Variants in MEF2C observed in about 807,000 individuals in gnomAD.
MEF2C encodes myocyte-specific enhancer factor 2C.
Under a neutral mutation model 50.5 loss-of-function variants are expected in MEF2C, and 6 were observed. That is an observed-to-expected ratio of 0.12 (90% confidence interval 0.07 to 0.23). The LOEUF (loss-of-function observed/expected upper bound fraction) is 0.23, where lower values mean the gene tolerates loss of function less well. Among genes scored for constraint, MEF2C ranks in the 10% least tolerant of loss-of-function variants. The pLI is 1.00. For missense variants in MEF2C, 276 were observed against 605.0 expected (o/e 0.46, Z 5.70); for synonymous variants, 183 against 228.0 (o/e 0.80, Z 1.78).
intron 2 of MEF2C, among the ~76,000 whole-genome samples, chr5:88,807,531 G>A (rs749410142): frequency 1.3e-5 from 2 of 152,062 alleles, no homozygotes; most frequent in Non-Finnish European, 2.9e-5. Context: ...ACCGTGCCTC[G>A]CCTCACTTTA....
chr5:88,746,809 G>C lies in MEF2C; in HGVS notation c.637+2261C>G, dbSNP rs1769924843. On this transcript the variant is annotated intron_variant, in intron 6 of 10. Transcript: ENST00000504921. ...CTAAGCTTGAGACTAAGTGGCATCT[G>C]CAACAGGTGTTCCTTGGGACCAGAG... 7.2e-6 allele frequency: 3 copies of C among 416,200 alleles called. No individual in the cohort carries two copies. In the South Asian group the frequency reaches 3.0e-4, roughly 42 times the overall value. The allele number at this position is 416,200 out of a possible 1,614,324, so 25.8% of individuals were successfully genotyped here. A position where few individuals can be genotyped will look rare whatever the true frequency, so the allele number is the denominator to read the frequency against.
At chr5:88,737,398 A>C in intron 6 of MEF2C, 1 of 985,412 alleles carries the variant, frequency 1.0e-6, no homozygotes, top group Non-Finnish European at 1.2e-6. Context: ...ATTTCACAGC[A>C]CATTACCTTA....
chr5:88,743,317 GA>G (rs1413290990), intron 6 of MEF2C: 2 of 985,106 alleles, frequency 2.0e-6, no homozygotes, highest in Non-Finnish European at 2.4e-6. Flanking sequence ...CCACTTCACT[GA>G]TATTTTAAGT....
At chr5:88,784,720 C>A (rs1789984324) in intron 3 of MEF2C, among the ~76,000 whole-genome samples, 1 of 152,134 alleles carries the variant, frequency 6.6e-6, no homozygotes, top group Non-Finnish European at 1.5e-5. Flanking sequence ...AATGACTCAA[C>A]AATGAAAATT....
chr5:88,748,252 A>T, intron 6 of MEF2C: 2 of 952,042 alleles, frequency 2.1e-6, no homozygotes, highest in Non-Finnish European at 2.5e-6. Context: ...TATTTCAATA[A>T]ACTTGATTTT....
At chr5:88,851,553 C>T (rs1332129377) in intron 1 of MEF2C, among the ~76,000 whole-genome samples, 1 of 152,116 alleles carries the variant, frequency 6.6e-6, no homozygotes, top group East Asian at 1.9e-4. Flanking sequence ...TGCAGACTTA[C>T]TAAACCCACT....
intron 2 of MEF2C, among the ~76,000 whole-genome samples, chr5:88,817,082 C>A (rs1805799729): frequency 6.6e-6 from 1 of 151,892 alleles, no homozygotes; most frequent in African/African-American, 2.4e-5. Flanking sequence ...ATCTATTCTC[C>A]AACTTATGGT....
At chr5:88,724,650 A>T (rs1757857389) in intron 10 of MEF2C, among the ~76,000 whole-genome samples, 1 of 152,140 alleles carries the variant, frequency 6.6e-6, no homozygotes, top group Admixed American at 6.5e-5. Context: ...CTATCAGTTT[A>T]CTAATTTTCC....
chr5:88,773,359 C>T (rs1024829451), intron 3 of MEF2C, among the ~76,000 whole-genome samples: 2 of 152,186 alleles, frequency 1.3e-5, no homozygotes, highest in Non-Finnish European at 2.9e-5. Context: ...TTAGCAACAT[C>T]TGCCCCTCAA....
At chr5:88,760,139 C>T (rs1335034731) in intron 4 of MEF2C, among the ~76,000 whole-genome samples, 2 of 152,212 alleles carry the variant, frequency 1.3e-5, no homozygotes, top group African/African-American at 4.8e-5. Context: ...GGTATGTGAG[C>T]CTTGGGTTTC....
intron 6 of MEF2C, chr5:88,737,340 A>T (rs1158935345): frequency 7.1e-6 from 7 of 985,328 alleles, no homozygotes; most frequent in Non-Finnish European, 8.4e-6. Context: ...AAATTTGTTT[A>T]TAGAGAGTTA....
At chr5:88,744,485 G>A (rs758270239) in intron 6 of MEF2C, among the ~76,000 whole-genome samples, 11 of 152,112 alleles carry the variant, frequency 7.2e-5, no homozygotes, top group Admixed American at 3.9e-4. Flanking sequence ...CCCAGGAGGC[G>A]GAGGTTGCAG....
rs906610725 is a variant in MEF2C, at chr5:88,749,017, A to G, written c.637+53T>C. On this transcript the variant is annotated intron_variant, in intron 6 of 10. Transcript: ENST00000504921. ...AAAGACTTTGTCCTGCAAATCACCT[A>G]GTAGAAGAACTCAGAACAATGATAC... 3.9e-6 allele frequency: 6 copies of G among 1,551,274 alleles called. No homozygotes were observed. In the African/African-American group the frequency reaches 6.8e-5, roughly 18 times the overall value.
chr5:88,809,210 T>C (rs568138457), intron 2 of MEF2C, among the ~76,000 whole-genome samples: 2 of 152,264 alleles, frequency 1.3e-5, no homozygotes, highest in South Asian at 4.1e-4. Flanking sequence ...ATGTTGATAA[T>C]GGCTCTAGAA....
At chr5:88,865,947 G>C (rs944492860) in intron 1 of MEF2C, among the ~76,000 whole-genome samples, 2 of 151,204 alleles carry the variant, frequency 1.3e-5, no homozygotes, top group East Asian at 3.9e-4. Context: ...CCAGGCTGGA[G>C]TGCAGTGACT....
chr5:88,752,572 T>C, intron 4 of MEF2C: 1 of 971,462 alleles, frequency 1.0e-6, no homozygotes, highest in Non-Finnish European at 1.2e-6. Flanking sequence ...ACTCTAAAGA[T>C]AATAGGCATT....
At chr5:88,825,407 A>G in intron 1 of MEF2C, 12 of 834,090 alleles carry the variant, frequency 1.4e-5, no homozygotes, top group Non-Finnish European at 1.6e-5. Context: ...ACTGCAGCTC[A>G]GTTCTGCCTC....
At chr5:88,739,158 C>T (rs561829939) in intron 6 of MEF2C, 154 of 982,726 alleles carry the variant, frequency 1.6e-4, no homozygotes, top group Non-Finnish European at 1.8e-4. Context: ...AGTTGTTACC[C>T]GGGAAATAAC....
chr5:88,807,441 C>A (rs1581026570), intron 2 of MEF2C, among the ~76,000 whole-genome samples: 1 of 151,976 alleles, frequency 6.6e-6, no homozygotes, highest in Non-Finnish European at 1.5e-5. Flanking sequence ...CCTATGTTAC[C>A]CAGGCTGTTC....
Sources: gnomAD v4.1 joint callset for allele counts (sites outside exome capture counted in the v4.1 genomes callset) on GRCh38, gnomAD v4.1.1 for gene constraint, MANE v1.5 for transcripts, NCBI Gene and HGNC (gene_info 2026-07-23, HGNC 2026-07-21) for gene names.